Variants in YEATS2 observed in about 807,000 individuals in gnomAD.
YEATS2 encodes YEATS domain-containing protein 2.
A neutral mutation model predicts 163.2 loss-of-function variants in YEATS2; 77 were observed. That is an observed-to-expected ratio of 0.47 (90% CI 0.39 to 0.57). The LOEUF is 0.57. YEATS2 is among the 20% of genes least tolerant of loss of function. YEATS2 has a pLI of 0.00. For synonymous variants in YEATS2, 631 were observed against 645.1 expected, an observed-to-expected ratio of 0.98 and a Z score of 0.33; for missense variants, 1,549 against 1,729.8, an observed-to-expected ratio of 0.90 and a Z score of 1.85.
intron 8 of YEATS2, among the ~76,000 whole-genome samples, chr3:183,742,045 C>CAAA (rs35894648): frequency 8.0e-6 from 1 of 125,354 alleles, no homozygotes; most frequent in East Asian, 2.3e-4. Context: ...CTCATCTCTA[C>CAAA]AAAAAAAAAA....
Position 183,798,953 on chromosome 3 carries a change from G to T in YEATS2, c.3289G>T (p.Val1097Phe), listed in dbSNP as rs191476594. The part of the protein sequence containing the change: ...AILPVAAPTP[V>F]VPSSAPAAVA... ...TCTGCCTGTAGCTGCCCCAACTCCAGTTGTCCCCAGCTCTGCTCCAGCAGC... is the reference window on the plus strand; with the variant it reads ...TCTGCCTGTAGCTGCCCCAACTCCATTTGTCCCCAGCTCTGCTCCAGCAGC... The change falls in exon 23 of 31, where the codon GTT becomes TTT. Residue 1097 changes from valine (V) to phenylalanine (F), a missense_variant. Physicochemically the swap from Val to Phe is conservative, Grantham distance 50. Transcript: ENST00000305135. 1 of 1,614,140 alleles carries T rather than the reference G, an allele frequency of 6.2e-7. No homozygotes were observed. Among genetic ancestry groups the T allele is most frequent in the Non-Finnish European group, 8.5e-7 (1 of 1,180,010 alleles).
At chr3:183,729,983 C>G (rs1190487058) in intron 7 of YEATS2, among the ~76,000 whole-genome samples, 2 of 144,788 alleles carry the variant, frequency 1.4e-5, no homozygotes, top group East Asian at 2.1e-4. Context: ...AGTCACCATG[C>G]CCGGCCTTAT....
chr3:183,742,673 A>G (rs754367173), intron 8 of YEATS2, among the ~76,000 whole-genome samples: 1 of 151,998 alleles, frequency 6.6e-6, no homozygotes, highest in Non-Finnish European at 1.5e-5. Flanking sequence ...AGGATTTAGA[A>G]TATTACATAA....
At chr3:183,755,968 A>G (rs1201809721) in intron 11 of YEATS2, among the ~76,000 whole-genome samples, 1 of 151,334 alleles carries the variant, frequency 6.6e-6, no homozygotes, top group Non-Finnish European at 1.5e-5. Flanking sequence ...CTGGTCTCGA[A>G]CTCACAACCT....
intron 8 of YEATS2, 90 bp from the exon 9 acceptor site, chr3:183,747,582 G>A (rs1439055788): frequency 7.5e-5 from 80 of 1,064,412 alleles, no homozygotes; most frequent in Non-Finnish European, 1.1e-4. Flanking sequence ...ATGAAGACTT[G>A]CAAAAGAGCT....
chr3:183,715,741 G>C (rs566824668), intron 2 of YEATS2, among the ~76,000 whole-genome samples: 38 of 152,230 alleles, frequency 2.5e-4, no homozygotes, highest in African/African-American at 9.1e-4. Context: ...TCTCAGATGT[G>C]GTAGCTATCT....
intron 11 of YEATS2, among the ~76,000 whole-genome samples, chr3:183,755,224 T>G (rs1221450748): frequency 6.6e-6 from 1 of 152,172 alleles, no homozygotes; most frequent in African/African-American, 2.4e-5. Flanking sequence ...TTCAAGTGAT[T>G]CTCCTGGCTC....
At chr3:183,735,528 A>G (rs774454872) in intron 7 of YEATS2, among the ~76,000 whole-genome samples, 14 of 152,058 alleles carry the variant, frequency 9.2e-5, no homozygotes, top group Non-Finnish European at 1.6e-4. Flanking sequence ...GGCTCCCCTC[A>G]TATCTCAGGG....
intron 27 of YEATS2, among the ~76,000 whole-genome samples, chr3:183,804,804 A>G (rs1205821964): frequency 6.6e-6 from 1 of 151,504 alleles, no homozygotes; most frequent in East Asian, 2.0e-4. Context: ...TGGCTAACAC[A>G]CTGAAACCCC....
intron 4 of YEATS2, among the ~76,000 whole-genome samples, chr3:183,720,919 C>G (rs569359502): frequency 1.3e-5 from 2 of 152,216 alleles, no homozygotes; most frequent in South Asian, 2.1e-4. Context: ...TGGCTGTTTT[C>G]CCTCTGTGTG....
intron 8 of YEATS2, among the ~76,000 whole-genome samples, chr3:183,738,700 A>G (rs1283896484): frequency 1.7e-4 from 23 of 135,702 alleles, no homozygotes; most frequent in African/African-American, 5.7e-4. Context: ...ATGATTTCCA[A>G]TTTCATCCAT....
chr3:183,749,918 C>T (rs376839417), intron 9 of YEATS2, among the ~76,000 whole-genome samples: 245 of 152,144 alleles, frequency 1.6e-3, no homozygotes, highest in African/African-American at 5.3e-3. Flanking sequence ...CCCGGGTTCA[C>T]GCCATTCTCC....
At position 183,754,375 on chromosome 3, in the gene YEATS2, T is replaced by G; in HGVS notation, c.1390+10T>G. The G allele has an allele frequency of 1.2e-6, 2 of 1,609,866 alleles. No individual in the cohort carries two copies. The highest frequency in any genetic ancestry group is 1.7e-4 in the Middle Eastern group (1 of 6,048). On this transcript the variant is annotated intron_variant, in intron 11 of 30. Transcript: ENST00000305135. ...TGCAAGATTGTGTCAGGTATGCAGA[T>G]GTTTTGAAGACAGTGTATGTGGAGT...
intron 27 of YEATS2, among the ~76,000 whole-genome samples, chr3:183,804,622 G>A (rs535842712): frequency 2.6e-5 from 4 of 152,310 alleles, no homozygotes; most frequent in African/African-American, 9.6e-5. Context: ...CTCGGAGGAC[G>A]CCACCCAGTG....
chr3:183,808,738 C>A (rs1305944365), intron 29 of YEATS2: 14 of 183,246 alleles, frequency 7.6e-5, no homozygotes, highest in Non-Finnish European at 3.4e-5. Flanking sequence ...ACCTGGTAAT[C>A]CCAGCTACTT....
intron 1 of YEATS2, among the ~76,000 whole-genome samples, chr3:183,702,767 G>A (rs1249651930): frequency 6.6e-6 from 1 of 151,842 alleles, no homozygotes; most frequent in Non-Finnish European, 1.5e-5. Flanking sequence ...CCGGGAGGCG[G>A]AGGTTGCAGT....
chr3:183,709,197 C>T (rs1476317694), intron 1 of YEATS2, among the ~76,000 whole-genome samples: 1 of 151,688 alleles, frequency 6.6e-6, no homozygotes, highest in South Asian at 2.1e-4. Context: ...TGGTTTCTAA[C>T]CTTTGTCAAA....
At chr3:183,754,474 G>T in intron 11 of YEATS2, 109 bp downstream of exon 11, 2 of 1,397,360 alleles carry the variant, frequency 1.4e-6, no homozygotes, top group Non-Finnish European at 9.4e-7. Context: ...CTTCTAAGCA[G>T]TGTTATGTTT....
At position 183,704,427 on chromosome 3, in the gene YEATS2, T is replaced by C. The variant is rs147258710; in HGVS notation, c.-20+6434T>C. On this transcript the variant is annotated intron_variant, in intron 1 of 30. Transcript: ENST00000305135. ...CACATTTCCATAGGTTTGGAGATAC[T>C]GTGTTCTCGTTAGTTTTTAAATAGT... Among the ~76,000 whole-genome samples, 760 of 151,520 alleles carry C rather than the reference T, an allele frequency of 5.0e-3. 7 individuals are homozygous for C. Among genetic ancestry groups the C allele is most frequent in the Non-Finnish European group, 5.0e-3 (342 of 68,004 alleles).
Sources: allele counts gnomAD v4.1 joint callset (sites outside exome capture counted in the v4.1 genomes callset), GRCh38; gene constraint gnomAD v4.1.1; transcripts MANE v1.5; gene names NCBI Gene and HGNC (gene_info 2026-07-23, HGNC 2026-07-21).